Variants in SIRPD observed in about 807,000 individuals in gnomAD.
SIRPD encodes the protein signal-regulatory protein delta.
In SIRPD, 21 loss-of-function variants were observed where a neutral mutation model predicts 18.0. The ratio of observed to expected loss-of-function variants is 1.17; its 90% CI spans 0.83 to 1.68. The LOEUF is 1.68. Ranked by LOEUF, SIRPD falls within the 40% of genes most tolerant of loss-of-function variation. SIRPD has a pLI of 0.00. For synonymous variants in SIRPD, 106 were observed against 92.9 expected, an observed-to-expected ratio of 1.14 and a Z score of -0.81; for missense variants, 295 against 238.4, an observed-to-expected ratio of 1.24 and a Z score of -1.56.
Position 1,551,895 on chromosome 20 carries a change from T to G in SIRPD, c.217A>C (p.Lys73Gln). Residue 73 changes from lysine to glutamine, a missense_variant, in exon 2 of 4, where the codon AAA becomes CAA. Physicochemically the swap from Lys to Gln is moderately conservative, Grantham distance 53 (BLOSUM62 1). Coordinates refer to ENST00000381623, the MANE Select transcript of SIRPD (RefSeq NM_178460.3). ...CCTTGTTTGAAATTGTAGATTAATT[T>G]CCGGTTTGGCCCTGTTCCCTTGAAC... The part of the protein sequence containing the change: ...LWFKGTGPNR[K>Q]LIYNFKQGNF... 1 of 1,614,122 alleles carries G rather than the reference T, an allele frequency of 6.2e-7. No individual in the cohort carries two copies. Among genetic ancestry groups the G allele is most frequent in the Non-Finnish European group, 8.5e-7 (1 of 1,179,996 alleles).
intron 2 of SIRPD, among the ~76,000 whole-genome samples, chr20:1,548,303 C>G (rs550280534): frequency 3.3e-5 from 5 of 151,696 alleles, no homozygotes; most frequent in South Asian, 2.1e-4. Context: ...TTTTGAGTAC[C>G]TTTTTAAATA....
rs73569194 is a variant in SIRPD at position 1,554,838 on chromosome 20, C to T, written c.73+2743G>A. On this transcript the variant is annotated intron_variant, in intron 1 of 3. Coordinates refer to ENST00000381623, the MANE Select transcript of SIRPD (RefSeq NM_178460.3). ...TGCTATTTTCCATAAAAGGTCACAACTGGTTTTTGGAGTGTAGGATTATCT... is the reference window on the plus strand; with the variant it reads ...TGCTATTTTCCATAAAAGGTCACAATTGGTTTTTGGAGTGTAGGATTATCT... Among the ~76,000 whole-genome samples, 1,391 of 152,254 alleles carry T rather than the reference C, an allele frequency of 9.1e-3. 22 individuals carry two copies. Among genetic ancestry groups the T allele is most frequent in the African/African-American group, 0.033 (1,357 of 41,546 alleles).
At chr20:1,555,179 A>G (rs923736376) in intron 1 of SIRPD, among the ~76,000 whole-genome samples, 11 of 152,242 alleles carry the variant, frequency 7.2e-5, no homozygotes, top group Admixed American at 6.5e-5. Flanking sequence ...TCTGTCACTT[A>G]TGACACCATG....
chr20:1,546,101 G>C lies in SIRPD; in HGVS notation c.421+5590C>G, dbSNP rs113115217. ...CCCATCAGGAGGCACGGGGGTCAGC[G>C]ACCCACTTGAGGAGGCAGTCTGTCC... On this transcript the variant is annotated intron_variant, in intron 2 of 3. Transcript: ENST00000381623. Among the ~76,000 whole-genome samples, 1,391 of 152,332 alleles carry C rather than the reference G, an allele frequency of 9.1e-3. 22 individuals are homozygous for C. The highest frequency in any genetic ancestry group is 0.033 in the African/African-American group (1,357 of 41,562).
chr20:1,545,443 G>A (rs374332036), intron 2 of SIRPD, among the ~76,000 whole-genome samples: 47 of 152,222 alleles, frequency 3.1e-4, no homozygotes, highest in African/African-American at 9.4e-4. Context: ...TGAAGTTCTC[G>A]TGTTGTGTTT....
At position 1,551,663 on chromosome 20, in the gene SIRPD, G is replaced by T. The variant is rs370029585; in HGVS notation, c.421+28C>A. 8.4e-5 allele frequency: 128 copies of T among 1,525,006 alleles called. No individual in the cohort carries two copies. The Middle Eastern group carries it at 1.2e-3, about 14-fold the overall frequency. The allele number at this position is 1,525,006 out of a possible 1,614,324, so 94.5% of individuals were successfully genotyped here. On this transcript the variant is annotated intron_variant, in intron 2 of 3. Coordinates refer to ENST00000381623, the MANE Select transcript of SIRPD (RefSeq NM_178460.3). ...TGCTGAGATGATATTATACACCAGG[G>T]GGTATGGGGTATAGGAGACATACTC...
chr20:1,555,940 C>G (rs1321593840), intron 1 of SIRPD, among the ~76,000 whole-genome samples: 4 of 152,202 alleles, frequency 2.6e-5, no homozygotes, highest in Non-Finnish European at 5.9e-5. Context: ...AGTGTTCATT[C>G]TAAGTTCACT....
chr20:1,540,017 G>A (rs1291194547), intron 2 of SIRPD: 1 of 240,394 alleles, frequency 4.2e-6, no homozygotes, highest in African/African-American at 2.3e-5. Flanking sequence ...GAGACAGTAA[G>A]TGTTTGTTGT....
At chr20:1,541,372 A>G (rs1411505332) in intron 2 of SIRPD, among the ~76,000 whole-genome samples, 2 of 152,184 alleles carry the variant, frequency 1.3e-5, no homozygotes, top group Admixed American at 6.5e-5. Flanking sequence ...TTTGATTTGC[A>G]TTTCTCAAAT....
Position 1,537,243 on chromosome 20 carries a change from G to A in SIRPD, c.489C>T (p.Ala163=), listed in dbSNP as rs760550700. 33 of 1,614,016 alleles carry A rather than the reference G, an allele frequency of 2.0e-5. No individual in the cohort carries two copies. In the Admixed American group the frequency reaches 5.5e-4, roughly 27 times the overall value. The part of the protein sequence containing the change: ...GRAGSRAHHD[A]HTCLSALPER... ...CAGGCAGGGCCGAGAGGCAGGTATG[G>A]GCATCATGGTGGGCCCTGGAGCCTG... is the stretch of plus-strand genomic sequence containing the variant. Residue 163 remains alanine, a synonymous_variant, in exon 3 of 4, where the codon GCC becomes GCT. Coordinates refer to ENST00000381623, the MANE Select transcript of SIRPD (RefSeq NM_178460.3).
chr20:1,545,520 C>CT (rs2090989813), intron 2 of SIRPD, among the ~76,000 whole-genome samples: 2 of 152,140 alleles, frequency 1.3e-5, no homozygotes, highest in African/African-American at 2.4e-5. Flanking sequence ...TTCCTGCAAC[C>CT]TTTTATCAAG....
chr20:1,540,953 GGA>G (rs2090968484), intron 2 of SIRPD, among the ~76,000 whole-genome samples: 2 of 152,070 alleles, frequency 1.3e-5, no homozygotes, highest in South Asian at 4.1e-4. Context: ...CCATGTCCCT[GGA>G]AAGGACATAA....
chr20:1,534,575 T>G, intron 3 of SIRPD, 134 bp from the exon 4 acceptor site: 1 of 858,748 alleles, frequency 1.2e-6, no homozygotes. Flanking sequence ...AAGGTTGTGG[T>G]GAGGCAGGCG....
rs112175948 is a variant in SIRPD, at chr20:1,545,887, T to G, written c.421+5804A>C. The stretch of plus-strand genomic sequence containing the variant: ...GACAGTCAGGCCACTCTTCTGCAGG[T>G]CTGCTGGAGTTTGCTGGAGGTCCAC... On this transcript the variant is annotated intron_variant, in intron 2 of 3. Transcript: ENST00000381623. 8.3e-3 allele frequency among the ~76,000 whole-genome samples: 1,262 copies of G among 152,282 alleles called. 20 individuals carry two copies. The highest frequency in any genetic ancestry group is 0.03 in the African/African-American group (1,230 of 41,546).
At chr20:1,535,355 C>A (rs1167806500) in intron 3 of SIRPD, among the ~76,000 whole-genome samples, 1 of 152,230 alleles carries the variant, frequency 6.6e-6, no homozygotes. Context: ...AAATATTTGT[C>A]CCCTCCAAAA....
At chr20:1,556,124 CA>C (rs1260274343) in intron 1 of SIRPD, among the ~76,000 whole-genome samples, 1 of 152,184 alleles carries the variant, frequency 6.6e-6, no homozygotes, top group Admixed American at 6.5e-5. Context: ...AGATCTTACA[CA>C]ACCTAACATA....
intron 2 of SIRPD, among the ~76,000 whole-genome samples, chr20:1,543,622 C>T (rs1214458455): frequency 6.6e-6 from 1 of 152,086 alleles, no homozygotes; most frequent in Non-Finnish European, 1.5e-5. Context: ...CTATTTCCTT[C>T]AGTTCTGCTC....
intron 2 of SIRPD, among the ~76,000 whole-genome samples, chr20:1,537,582 G>T (rs958438814): frequency 1.3e-5 from 2 of 152,198 alleles, no homozygotes; most frequent in Non-Finnish European, 2.9e-5. Context: ...AACAGGGTCT[G>T]CCATAGAGAA....
chr20:1,551,670 G>A, intron 2 of SIRPD, 21 bp downstream of exon 2: 1 of 1,570,268 alleles, frequency 6.4e-7, no homozygotes, highest in East Asian at 2.2e-5. Flanking sequence ...AGGGGGTATG[G>A]GGTATAGGAG....
Sources: allele counts gnomAD v4.1 joint callset (sites outside exome capture counted in the v4.1 genomes callset), GRCh38; gene constraint gnomAD v4.1.1; transcripts MANE v1.5; gene names NCBI Gene and HGNC (gene_info 2026-07-23, HGNC 2026-07-21).